Variants in PARD3B observed in about 807,000 individuals in gnomAD.
PARD3B encodes the protein partitioning defective 3 homolog B.
In PARD3B, 103 loss-of-function variants were observed where a neutral mutation model predicts 130.2. That is an observed-to-expected ratio of 0.79 (90% CI 0.67 to 0.93). PARD3B has a LOEUF of 0.93. Ranked by LOEUF, PARD3B falls within the 40% of genes least tolerant of loss-of-function variation. The pLI is 0.00. For synonymous variants in PARD3B, 583 were observed against 553.2 expected (o/e 1.05, Z -0.76); for missense variants, 1,609 against 1,499.2 (o/e 1.07, Z -1.21).
intron 19 of PARD3B, among the ~76,000 whole-genome samples, chr2:205,438,538 T>C (rs1290415751): frequency 1.3e-5 from 2 of 152,332 alleles, no homozygotes; most frequent in East Asian, 3.9e-4. Context: ...TGGAAATCCA[T>C]CCCTATCATC....
chr2:205,044,760 C>T (rs1042143040), intron 3 of PARD3B, among the ~76,000 whole-genome samples: 58 of 152,104 alleles, frequency 3.8e-4, no homozygotes, highest in African/African-American at 1.2e-3. Context: ...GTTGCCTGTT[C>T]ACTCTGATGG....
In PARD3B at chr2:204,545,840, A is replaced by G; in HGVS notation, c.-160A>G. 2 of 734,442 alleles carry G rather than the reference A, an allele frequency of 2.7e-6. 1 individual carries two copies. Among genetic ancestry groups the G allele is most frequent in the South Asian group, 5.5e-5 (2 of 36,466 alleles). 45.5% of individuals were successfully genotyped at this position (734,442 alleles called of 1,614,324 possible). A position where few individuals can be genotyped will look rare whatever the true frequency, so the allele number is the denominator to read the frequency against. On this transcript the variant is annotated 5_prime_UTR_variant, in exon 1 of 23. Coordinates refer to ENST00000406610, the MANE Select transcript of PARD3B (RefSeq NM_001302769.2). ...CGCCACCTGCCGCCTGGCCAGGTGG[A>G]AGGGGCGCTGCCGCGAGCCTCCGGG...
chr2:204,986,750 C>T (rs368429793), intron 3 of PARD3B, among the ~76,000 whole-genome samples: 32 of 152,228 alleles, frequency 2.1e-4, no homozygotes, highest in African/African-American at 7.0e-4. Context: ...ATGACCTTTT[C>T]GATGGGTAAT....
At chr2:204,630,681 T>C (rs2034648196) in intron 1 of PARD3B, among the ~76,000 whole-genome samples, 1 of 152,178 alleles carries the variant, frequency 6.6e-6, no homozygotes, top group African/African-American at 2.4e-5. Context: ...GTCCTATTAA[T>C]GCTCACATTT....
chr2:205,032,557 A>C (rs989152480), intron 3 of PARD3B, among the ~76,000 whole-genome samples: 6 of 152,150 alleles, frequency 3.9e-5, no homozygotes, highest in African/African-American at 1.2e-4. Flanking sequence ...TTCCTCTGGC[A>C]CTTTCATTAG....
intron 8 of PARD3B, among the ~76,000 whole-genome samples, chr2:205,123,161 C>G (rs898032166): frequency 6.6e-6 from 1 of 152,120 alleles, no homozygotes; most frequent in Non-Finnish European, 1.5e-5. Flanking sequence ...AAAGGGTGCA[C>G]TGCATCTGTC....
intron 22 of PARD3B, among the ~76,000 whole-genome samples, chr2:205,608,352 A>G (rs757565054): frequency 6.6e-6 from 1 of 152,238 alleles, no homozygotes; most frequent in Non-Finnish European, 1.5e-5. Flanking sequence ...CTAGGACCAC[A>G]GTTACAATAG....
intron 4 of PARD3B, among the ~76,000 whole-genome samples, chr2:205,073,478 A>G (rs1210167646): frequency 2.0e-5 from 3 of 152,228 alleles, no homozygotes; most frequent in Non-Finnish European, 4.4e-5. Flanking sequence ...TTTTTTCGGG[A>G]AAAAAAGTCC....
chr2:205,500,638 A>C (rs1227927439), intron 21 of PARD3B, among the ~76,000 whole-genome samples: 1 of 152,226 alleles, frequency 6.6e-6, no homozygotes, highest in African/African-American at 2.4e-5. Flanking sequence ...TCTTGTTTTC[A>C]AGAAGCAAGT....
At chr2:205,039,971 T>A (rs1462680611) in intron 3 of PARD3B, among the ~76,000 whole-genome samples, 4 of 152,224 alleles carry the variant, frequency 2.6e-5, no homozygotes, top group South Asian at 4.2e-4. Flanking sequence ...TTGTTGTGTT[T>A]GTTTGTTTTT....
intron 2 of PARD3B, among the ~76,000 whole-genome samples, chr2:204,714,592 ATCT>A (rs1262975429): frequency 6.6e-6 from 1 of 152,230 alleles, no homozygotes; most frequent in Non-Finnish European, 1.5e-5. Context: ...AAGGAGGAAC[ATCT>A]TCTGCCTTAA....
rs1404970948 is a variant in PARD3B at position 204,991,927 on chromosome 2, TG to T, written c.394+26605del. ...TCACCCACTTTTTGATGGGGTTGTTTGTTTTTTTCTTGTAAATTTGTTGGAG... is the reference window on the plus strand; with the variant it reads ...TCACCCACTTTTTGATGGGGTTGTTTTTTTTTTCTTGTAAATTTGTTGGAG... On this transcript the variant is annotated intron_variant, in intron 3 of 22. Transcript: ENST00000406610. Among the ~76,000 whole-genome samples, 362 of 151,072 alleles carry T rather than the reference TG, an allele frequency of 2.4e-3. 2 individuals carry two copies. The highest frequency in any genetic ancestry group is 8.2e-3 in the African/African-American group (338 of 41,402).
intron 2 of PARD3B, among the ~76,000 whole-genome samples, chr2:204,807,937 A>G (rs1454668083): frequency 6.6e-6 from 1 of 151,998 alleles, no homozygotes; most frequent in Non-Finnish European, 1.5e-5. Flanking sequence ...TTTATTGTAC[A>G]CTTAAAAATA....
At chr2:205,452,365 T>C in intron 20 of PARD3B, among the ~76,000 whole-genome samples, 1 of 152,236 alleles carries the variant, frequency 6.6e-6, no homozygotes, top group East Asian at 1.9e-4. Context: ...TGTGGCTGTG[T>C]GTAGGGACTT....
chr2:205,045,516 G>A (rs775189747), intron 3 of PARD3B, among the ~76,000 whole-genome samples: 36 of 151,910 alleles, frequency 2.4e-4, no homozygotes, highest in Admixed American at 8.5e-4. Flanking sequence ...CCAAAGTGCT[G>A]GGATTATAGG....
At chr2:205,273,180 G>A (rs2040807601) in intron 16 of PARD3B, among the ~76,000 whole-genome samples, 1 of 152,140 alleles carries the variant, frequency 6.6e-6, no homozygotes, top group African/African-American at 2.4e-5. Context: ...TGTGTTGATT[G>A]CTTCAATGTT....
intron 2 of PARD3B, among the ~76,000 whole-genome samples, chr2:204,883,541 G>T (rs1431503169): frequency 6.9e-6 from 1 of 145,494 alleles, no homozygotes; most frequent in South Asian, 2.2e-4. Flanking sequence ...TCTGCCTCCC[G>T]GGTTCAAGCA....
At chr2:204,732,507 C>A (rs1030262271) in intron 2 of PARD3B, among the ~76,000 whole-genome samples, 48 of 144,596 alleles carry the variant, frequency 3.3e-4, no homozygotes, top group African/African-American at 1.2e-3. Context: ...GTAAGGATAT[C>A]TTTTTTTTTT....
intron 11 of PARD3B, among the ~76,000 whole-genome samples, chr2:205,170,172 C>T (rs1393986136): frequency 1.1e-4 from 16 of 152,240 alleles, no homozygotes; most frequent in African/African-American, 3.4e-4. Flanking sequence ...TCAGGGGATC[C>T]GCCCACCTCG....
Sources: allele counts gnomAD v4.1 joint callset (sites outside exome capture counted in the v4.1 genomes callset), GRCh38; gene constraint gnomAD v4.1.1; transcripts MANE v1.5; gene names NCBI Gene and HGNC (gene_info 2026-07-23, HGNC 2026-07-21).